Variants in CTNNA3 observed in about 807,000 individuals in gnomAD.
The protein encoded by CTNNA3 is catenin alpha-3.
CTNNA3 carries 76 observed loss-of-function variants against 95.7 expected under a neutral mutation model. That is an observed-to-expected ratio of 0.79 (90% CI 0.66 to 0.96). The LOEUF is 0.96. CTNNA3 is among the 40% of genes least tolerant of loss of function. The probability of loss-of-function intolerance (pLI) is 0.00; values close to 1 mark genes in which losing one functional copy is unlikely to be tolerated. For missense variants in CTNNA3, 1,191 were observed against 1,089.8 expected (o/e 1.09, Z -1.31); for synonymous variants, 431 against 374.4 (o/e 1.15, Z -1.74).
At chr10:66,466,339 TACACACAC>T (rs143601111) in intron 11 of CTNNA3, among the ~76,000 whole-genome samples, 27 of 141,846 alleles carry the variant, frequency 1.9e-4, no homozygotes, top group East Asian at 6.6e-4. Flanking sequence ...CACCCACCTA[TACACACAC>T]ACACACACAC....
intron 2 of CTNNA3, among the ~76,000 whole-genome samples, chr10:67,641,763 A>C (rs971148394): frequency 6.6e-6 from 1 of 152,156 alleles, no homozygotes; most frequent in Admixed American, 6.5e-5. Flanking sequence ...AAGGACAAAA[A>C]ACCAAACACC....
intron 7 of CTNNA3, among the ~76,000 whole-genome samples, chr10:66,833,001 C>T (rs940813691): frequency 1.3e-5 from 2 of 152,162 alleles, no homozygotes; most frequent in African/African-American, 2.4e-5. Context: ...AGGCAGTTCA[C>T]CCCCTTCCTG....
chr10:66,807,391 G>C (rs1293153068), intron 7 of CTNNA3, among the ~76,000 whole-genome samples: 1 of 152,078 alleles, frequency 6.6e-6, no homozygotes, highest in Non-Finnish European at 1.5e-5. Context: ...ATTGGTGACT[G>C]TGCCAGCACG....
intron 9 of CTNNA3, among the ~76,000 whole-genome samples, chr10:66,652,253 T>C (rs1845936825): frequency 6.6e-6 from 1 of 151,846 alleles, no homozygotes; most frequent in Non-Finnish European, 1.5e-5. Flanking sequence ...TGGACAAATC[T>C]TTAAGTAGAC....
chr10:67,645,923 A>AAT (rs1554869543), intron 2 of CTNNA3, among the ~76,000 whole-genome samples: 6 of 147,576 alleles, frequency 4.1e-5, no homozygotes, highest in African/African-American at 7.4e-5. Flanking sequence ...TCCACTTGTT[A>AAT]ATATATATAT....
At chr10:66,726,066 T>C (rs1848772335) in intron 9 of CTNNA3, among the ~76,000 whole-genome samples, 1 of 152,086 alleles carries the variant, frequency 6.6e-6, no homozygotes, top group Non-Finnish European at 1.5e-5. Context: ...AATTACTAAA[T>C]TGTAATGAGT....
At chr10:67,638,810 A>T (rs1308295562) in intron 2 of CTNNA3, among the ~76,000 whole-genome samples, 1 of 152,190 alleles carries the variant, frequency 6.6e-6, no homozygotes, top group Admixed American at 6.5e-5. Flanking sequence ...TTTGAAACCA[A>T]TGAGAACAAG....
intron 7 of CTNNA3, chr10:67,097,760 T>G: frequency 6.2e-7 from 1 of 1,612,428 alleles, no homozygotes; most frequent in East Asian, 2.2e-5. Context: ...TCACAACAGC[T>G]GGCCGAATCA....
chr10:66,247,812 T>A (rs1259558919), intron 13 of CTNNA3, among the ~76,000 whole-genome samples: 2 of 152,130 alleles, frequency 1.3e-5, no homozygotes, highest in Admixed American at 6.6e-5. Context: ...AGGAATTTCA[T>A]CAACACCAGA....
At chr10:66,134,031 C>T (rs954734270) in intron 13 of CTNNA3, among the ~76,000 whole-genome samples, 2 of 151,956 alleles carry the variant, frequency 1.3e-5, no homozygotes, top group Non-Finnish European at 2.9e-5. Flanking sequence ...CAACTACAGG[C>T]ATATTAAACA....
intron 5 of CTNNA3, among the ~76,000 whole-genome samples, chr10:67,237,587 GA>G (rs964014616): frequency 1.8e-4 from 27 of 149,980 alleles, no homozygotes; most frequent in African/African-American, 6.1e-4. Context: ...AAGTATAATA[GA>G]AAAAAAAAGA....
intron 7 of CTNNA3, among the ~76,000 whole-genome samples, chr10:67,044,530 C>T (rs1478252666): frequency 6.6e-6 from 1 of 152,032 alleles, no homozygotes; most frequent in African/African-American, 2.4e-5. Context: ...TCCCAGATTC[C>T]CCATTGAGCT....
chr10:66,375,364 A>G (rs927389997), intron 12 of CTNNA3, among the ~76,000 whole-genome samples: 1 of 152,142 alleles, frequency 6.6e-6, no homozygotes, highest in Non-Finnish European at 1.5e-5. Flanking sequence ...GGTAGAGACC[A>G]TGGCCAAGGC....
In CTNNA3 at chr10:67,178,824, G is replaced by T. The variant is rs1376115863; in HGVS notation, c.1047+1493C>A. On this transcript the variant is annotated intron_variant, in intron 7 of 17. Coordinates refer to ENST00000433211, the MANE Select transcript of CTNNA3 (RefSeq NM_013266.4). ...ATTATCTTCTAAGTTTTTTATGACT[G>T]ATGAATTACCTTGAAAAATCTTTAA... Among the ~76,000 whole-genome samples, 10 of 152,034 alleles carry T rather than the reference G, an allele frequency of 6.6e-5. No individual in the cohort carries two copies. In the South Asian group the frequency reaches 2.1e-3, roughly 31 times the overall value.
intron 14 of CTNNA3, among the ~76,000 whole-genome samples, chr10:66,097,232 C>T (rs2081429742): frequency 6.6e-6 from 1 of 152,034 alleles, no homozygotes; most frequent in Non-Finnish European, 1.5e-5. Flanking sequence ...ATACTTAGTA[C>T]CATGAAACAG....
At chr10:66,309,710 A>AAG (rs1370772150) in intron 12 of CTNNA3, among the ~76,000 whole-genome samples, 1 of 137,828 alleles carries the variant, frequency 7.3e-6, no homozygotes, top group African/African-American at 2.7e-5. Context: ...AAAAAAAAAA[A>AAG]AAGGGTTAGA....
At chr10:67,455,403 C>A (rs1847135441) in intron 5 of CTNNA3, among the ~76,000 whole-genome samples, 1 of 152,080 alleles carries the variant, frequency 6.6e-6, no homozygotes, top group South Asian at 2.1e-4. Context: ...TACAGATACT[C>A]CCCCTCCAGG....
At chr10:66,171,243 A>T (rs2085410947) in intron 13 of CTNNA3, among the ~76,000 whole-genome samples, 1 of 151,902 alleles carries the variant, frequency 6.6e-6, no homozygotes, top group African/African-American at 2.4e-5. Context: ...AAAAGCAAAC[A>T]AAAAACTAAC....
intron 17 of CTNNA3, among the ~76,000 whole-genome samples, chr10:65,938,543 A>G (rs1158513254): frequency 6.6e-6 from 1 of 152,168 alleles, no homozygotes; most frequent in African/African-American, 2.4e-5. Context: ...TCTGATTTAT[A>G]ACCTTTCTCA....
Sources: allele counts gnomAD v4.1 joint callset (sites outside exome capture counted in the v4.1 genomes callset), GRCh38; gene constraint gnomAD v4.1.1; transcripts MANE v1.5; gene names NCBI Gene and HGNC (gene_info 2026-07-23, HGNC 2026-07-21).